PLEKHG1: variants seen among roughly 807,000 people sequenced by gnomAD.
PLEKHG1 encodes the protein pleckstrin homology domain-containing family G member 1.
Under a neutral mutation model 100.8 loss-of-function variants are expected in PLEKHG1, and 44 were observed. The ratio of observed to expected loss-of-function variants is 0.44; its 90% CI spans 0.34 to 0.56. PLEKHG1 has a LOEUF of 0.56. Ranked by LOEUF, PLEKHG1 falls within the 20% of genes least tolerant of loss-of-function variation. PLEKHG1 has a pLI of 0.01. For missense variants in PLEKHG1, 1,545 were observed against 1,720.9 expected (o/e 0.90, Z 1.81); for synonymous variants, 640 against 662.5 (o/e 0.97, Z 0.52).
Position 150,830,681 on chromosome 6 carries a change from C to T in PLEKHG1, c.1570C>T (p.Arg524Ter), listed in dbSNP as rs140551833. 3.7e-6 allele frequency: 6 copies of T among 1,614,134 alleles called. No individual in the cohort carries two copies. The highest frequency in any genetic ancestry group is 5.1e-6 in the Non-Finnish European group (6 of 1,180,006). The change falls in exon 15 of 16, where the codon CGA (arginine) becomes TGA (stop). Residue 524 changes from arginine to a stop codon, truncating the protein, a stop_gained. Transcript: ENST00000358517. LOFTEE classifies it high-confidence loss of function. ...CAGTTCTACCATGATCAGCGTGCTTCGAGCGGGTGGAGCTCTCAGAAACAT... is the reference window on the plus strand; with the variant it reads ...CAGTTCTACCATGATCAGCGTGCTTTGAGCGGGTGGAGCTCTCAGAAACAT...
intron 3 of PLEKHG1, among the ~76,000 whole-genome samples, chr6:150,669,649 T>A (rs1582917258): frequency 6.7e-6 from 1 of 148,358 alleles, no homozygotes; most frequent in Admixed American, 6.9e-5. Context: ...CAGGCTGGAG[T>A]GCAGTTGCGC....
At chr6:150,792,389 C>T (rs1265504155) in intron 4 of PLEKHG1, among the ~76,000 whole-genome samples, 2 of 150,286 alleles carry the variant, frequency 1.3e-5, no homozygotes, top group Non-Finnish European at 3.0e-5. Context: ...AACACCACTT[C>T]CTGGCTGGGC....
chr6:150,827,565 T>C (rs1776684557), intron 14 of PLEKHG1: 1 of 642,124 alleles, frequency 1.6e-6, no homozygotes, highest in Non-Finnish European at 2.9e-6. Context: ...CGTGAGCCAC[T>C]GTGCCTGGCC....
intron 1 of PLEKHG1, among the ~76,000 whole-genome samples, chr6:150,626,318 C>A (rs1017999458): frequency 6.6e-6 from 1 of 152,142 alleles, no homozygotes; most frequent in African/African-American, 2.4e-5. Flanking sequence ...TCTTCAGAGG[C>A]CTTCAGGCGA....
chr6:150,670,115 C>A (rs1196848126), intron 3 of PLEKHG1, among the ~76,000 whole-genome samples: 1 of 152,090 alleles, frequency 6.6e-6, no homozygotes, highest in Admixed American at 6.5e-5. Context: ...TCTTCATAAG[C>A]CCCATGGATT....
chr6:150,622,407 G>A (rs373917377), intron 1 of PLEKHG1, among the ~76,000 whole-genome samples: 9 of 152,172 alleles, frequency 5.9e-5, no homozygotes, highest in South Asian at 2.1e-4. Context: ...TGGGCAGCTT[G>A]GTGGGTCACC....
chr6:150,801,703 G>A (rs112693959), intron 6 of PLEKHG1, among the ~76,000 whole-genome samples: 3 of 152,068 alleles, frequency 2.0e-5, no homozygotes, highest in African/African-American at 7.2e-5. Flanking sequence ...GCCTCCCAAA[G>A]TGCTGGGATT....
chr6:150,751,386 A>G (rs919176726), intron 2 of PLEKHG1, among the ~76,000 whole-genome samples: 1 of 152,136 alleles, frequency 6.6e-6, no homozygotes, highest in Non-Finnish European at 1.5e-5. Flanking sequence ...CTGTATGCCC[A>G]TGGACAAATA....
chr6:150,683,757 G>T lies in PLEKHG1; in HGVS notation c.-99+32971G>T. 1 of 1,284,684 alleles carries T rather than the reference G, an allele frequency of 7.8e-7. No homozygotes were observed. The highest frequency in any genetic ancestry group is 1.2e-5 in the South Asian group (1 of 80,640). 79.6% of individuals were successfully genotyped at this position (1,284,684 alleles called of 1,614,324 possible). ...GTATCCAGGGCATAGGACGTCTGAA[G>T]GAAAGATGGAGCCATTCTTGGTGGG... is the stretch of plus-strand genomic sequence containing the variant. On this transcript the variant is annotated intron_variant, in intron 3 of 3. Coordinates refer to the PLEKHG1 transcript ENST00000367326. The surrounding 1 kb of genome is among the most constrained non-coding windows in gnomAD (Gnocchi z 4.0).
intron 1 of PLEKHG1, among the ~76,000 whole-genome samples, chr6:150,624,071 T>C (rs1777415205): frequency 1.3e-5 from 2 of 152,220 alleles, no homozygotes; most frequent in East Asian, 1.9e-4. Flanking sequence ...GGATCATCTA[T>C]GTTAGGCACA....
intron 15 of PLEKHG1, among the ~76,000 whole-genome samples, chr6:150,836,633 A>G (rs1016044738): frequency 7.9e-5 from 12 of 152,076 alleles, no homozygotes; most frequent in Admixed American, 2.6e-4. Flanking sequence ...CCTGGGCAAC[A>G]TAGCAAGACT....
intron 3 of PLEKHG1, among the ~76,000 whole-genome samples, chr6:150,652,552 C>A (rs569913205): frequency 5.9e-5 from 9 of 151,798 alleles, no homozygotes; most frequent in Non-Finnish European, 1.2e-4. Context: ...GAAACCCCGT[C>A]GCTATTAAAA....
intron 15 of PLEKHG1, among the ~76,000 whole-genome samples, chr6:150,836,837 G>T (rs957096824): frequency 7.7e-6 from 1 of 129,838 alleles, no homozygotes; most frequent in Non-Finnish European, 1.7e-5. Flanking sequence ...AAAAAAAAAA[G>T]AAAAGAAAAG....
At chr6:150,653,477 T>C (rs1336681455) in intron 3 of PLEKHG1, among the ~76,000 whole-genome samples, 3 of 151,930 alleles carry the variant, frequency 2.0e-5, no homozygotes, top group South Asian at 2.1e-4. Context: ...GCGCAGTGGC[T>C]CACGACTGTA....
intron 3 of PLEKHG1, among the ~76,000 whole-genome samples, chr6:150,682,039 C>T (rs1779953439): frequency 1.3e-5 from 2 of 152,202 alleles, no homozygotes; most frequent in African/African-American, 4.8e-5. Flanking sequence ...TGCCTCAGTA[C>T]ATCTGATGAG....
At chr6:150,753,893 G>A (rs76367304) in intron 2 of PLEKHG1, among the ~76,000 whole-genome samples, 6,173 of 152,252 alleles carry the variant, frequency 0.041, 190 homozygotes, top group African/African-American at 0.091. Context: ...AGCAGCGGGG[G>A]CACCGTTAAC....
intron 15 of PLEKHG1, among the ~76,000 whole-genome samples, chr6:150,832,633 A>G (rs1045108622): frequency 6.6e-6 from 1 of 151,912 alleles, no homozygotes; most frequent in Non-Finnish European, 1.5e-5. Flanking sequence ...TCAGGATCTC[A>G]ACAAAAATGC....
chr6:150,632,174 A>T (rs1401088592), intron 1 of PLEKHG1, among the ~76,000 whole-genome samples: 2 of 152,236 alleles, frequency 1.3e-5, no homozygotes, highest in Non-Finnish European at 2.9e-5. Context: ...AGAGTACACG[A>T]AATTGTTTAA....
At chr6:150,701,319 C>CAA (rs1191848222) in intron 3 of PLEKHG1, among the ~76,000 whole-genome samples, 5 of 104,464 alleles carry the variant, frequency 4.8e-5, no homozygotes, top group South Asian at 6.2e-4. Context: ...GACTCTATCT[C>CAA]AAAAAAAAAA....
Sources: gnomAD v4.1 joint callset for allele counts (sites outside exome capture counted in the v4.1 genomes callset) on GRCh38, gnomAD v4.1.1 for gene constraint, Gnocchi (gnomAD v3.1) non-coding constraint, MANE v1.5 for transcripts, NCBI Gene and HGNC (gene_info 2026-07-23, HGNC 2026-07-21) for gene names.